TMEM168: variants seen among roughly 807,000 people sequenced by gnomAD.
TMEM168 encodes the protein transmembrane protein 168.
A neutral mutation model predicts 53.2 loss-of-function variants in TMEM168; 40 were observed. The observed-to-expected ratio is 0.75, with a 90% CI of 0.58 to 0.98. The LOEUF (loss-of-function observed/expected upper bound fraction) is 0.98, where lower values mean the gene tolerates loss of function less well. Among genes scored for constraint, TMEM168 ranks in the 50% least tolerant of loss-of-function variants. The pLI, the probability that TMEM168 is intolerant of heterozygous loss-of-function variation, is 0.00. For synonymous variants in TMEM168, 282 were observed against 293.0 expected (o/e 0.96, Z 0.38); for missense variants, 771 against 828.8 (o/e 0.93, Z 0.86).
At chr7:112,770,638 ACTTTT>A (rs1230496984) in intron 4 of TMEM168, among the ~76,000 whole-genome samples, 1 of 152,086 alleles carries the variant, frequency 6.6e-6, no homozygotes, top group Non-Finnish European at 1.5e-5. Flanking sequence ...TAGTGTTTTT[ACTTTT>A]CTTAGAAAAA....
chr7:112,789,448 G>A (rs1388476880), intron 1 of TMEM168, among the ~76,000 whole-genome samples: 3 of 152,180 alleles, frequency 2.0e-5, no homozygotes, highest in Admixed American at 2.0e-4. Context: ...AACAACAATA[G>A]TCACCATTGG....
At chr7:112,780,482 T>A (rs1020058298) in intron 2 of TMEM168, among the ~76,000 whole-genome samples, 1 of 152,136 alleles carries the variant, frequency 6.6e-6, no homozygotes, top group East Asian at 1.9e-4. Flanking sequence ...ATCCATACAA[T>A]GGGATATTGC....
At chr7:112,775,030 G>T in intron 3 of TMEM168, 146 bp downstream of exon 3, 2 of 558,032 alleles carry the variant, frequency 3.6e-6, no homozygotes, top group Non-Finnish European at 2.8e-6. Flanking sequence ...ATTATCACTT[G>T]GAATAAAGTT....
rs949570245 is a variant in TMEM168, at chr7:112,764,443, A to C, written c.*2754T>G. ...ATTTTTCAATCTTTAGGTGAAAGTAACCAATCACTTTATTCTTCTTGTAAT... is the reference window on the plus strand; with the variant it reads ...ATTTTTCAATCTTTAGGTGAAAGTACCCAATCACTTTATTCTTCTTGTAAT... On this transcript the variant is annotated 3_prime_UTR_variant, in exon 5 of 5. Transcript: ENST00000312814. The C allele has an allele frequency of 2.6e-5, 4 of 151,768 alleles. No homozygotes were observed. The highest frequency in any genetic ancestry group is 4.4e-5 in the Non-Finnish European group (3 of 67,976). 9.4% of individuals were successfully genotyped at this position (151,768 alleles called of 1,614,324 possible). A position where few individuals can be genotyped will look rare whatever the true frequency, so the allele number is the denominator to read the frequency against.
rs1792775195 is a variant in TMEM168 at position 112,766,254 on chromosome 7, A to G, written c.*943T>C. ...ACTTGTTTCCTATCCTCTGACCTTC[A>G]GTAGAAAAAAAATGTTATCACTAAC... On this transcript the variant is annotated 3_prime_UTR_variant, in exon 5 of 5. Coordinates refer to ENST00000312814, the MANE Select transcript of TMEM168 (RefSeq NM_022484.6). 1 of 152,416 alleles carries G rather than the reference A, an allele frequency of 6.6e-6. No individual in the cohort carries two copies. The highest frequency in any genetic ancestry group is 1.5e-5 in the Non-Finnish European group (1 of 68,016). 9.4% of individuals were successfully genotyped at this position (152,416 alleles called of 1,614,324 possible). A position where few individuals can be genotyped will look rare whatever the true frequency, so the allele number is the denominator to read the frequency against.
At chr7:112,768,447 G>C (rs987446593) in intron 4 of TMEM168, among the ~76,000 whole-genome samples, 1 of 151,988 alleles carries the variant, frequency 6.6e-6, no homozygotes, top group Non-Finnish European at 1.5e-5. Context: ...CCTATTGAAT[G>C]AAAATAAACC....
intron 3 of TMEM168, among the ~76,000 whole-genome samples, 186 bp downstream of exon 3, chr7:112,774,990 A>G (rs958207990): frequency 6.6e-6 from 1 of 152,224 alleles, no homozygotes; most frequent in Non-Finnish European, 1.5e-5. Flanking sequence ...TATCATATTT[A>G]TCAAAATATT....
At chr7:112,785,347 T>C (rs1793349332) in intron 1 of TMEM168, among the ~76,000 whole-genome samples, 1 of 152,212 alleles carries the variant, frequency 6.6e-6, no homozygotes, top group Admixed American at 6.5e-5. Flanking sequence ...AAGGACTTCA[T>C]CGTTACCTCT....
At chr7:112,775,641 T>A (rs1474605888) in intron 2 of TMEM168, among the ~76,000 whole-genome samples, 1 of 151,098 alleles carries the variant, frequency 6.6e-6, no homozygotes, top group Non-Finnish European at 1.5e-5. Context: ...CACTCTTTGA[T>A]ATAACAGAGA....
At chr7:112,772,320 T>G (rs535893406) in intron 4 of TMEM168, among the ~76,000 whole-genome samples, 1 of 152,130 alleles carries the variant, frequency 6.6e-6, no homozygotes, top group East Asian at 1.9e-4. Flanking sequence ...TGTGGCAAAT[T>G]AGGACCAGAA....
At position 112,764,341 on chromosome 7, in the gene TMEM168, A is replaced by AAAAT. The variant is rs1792720909; in HGVS notation, c.*2852_*2855dup. ...TAGTAGAATGGTAAAGTTTTGCCCT[A>AAAAT]AAATAATTCCTTTCACTCCAAGCAA... On this transcript the variant is annotated 3_prime_UTR_variant, in exon 5 of 5. Transcript: ENST00000312814. 6.6e-6 allele frequency: 1 copy of AAAAT among 152,036 alleles called. No homozygotes were observed. Among genetic ancestry groups the AAAAT allele is most frequent in the East Asian group, 1.9e-4 (1 of 5,196 alleles). The allele number at this position is 152,036 out of a possible 1,614,324, so 9.4% of individuals were successfully genotyped here.
chr7:112,789,704 C>T (rs181043273), intron 1 of TMEM168, among the ~76,000 whole-genome samples: 63 of 152,314 alleles, frequency 4.1e-4, no homozygotes, highest in African/African-American at 1.4e-3. Context: ...CTAGAAGTGT[C>T]AAGGCTGAAA....
At chr7:112,788,899 A>T (rs1793463796) in intron 1 of TMEM168, among the ~76,000 whole-genome samples, 1 of 152,154 alleles carries the variant, frequency 6.6e-6, no homozygotes, top group Admixed American at 6.5e-5. Context: ...CCTCTCTAAG[A>T]AGTGTACTTT....
chr7:112,784,571 A>G lies in TMEM168; in HGVS notation c.255T>C (p.Phe85=). Reference sequence around the variant, plus strand: ...GACTTAAACTTGCTGCTTCCATTGAAAAATAGTAATAGAGTATGCTGGCGA... The same window carrying G: ...GACTTAAACTTGCTGCTTCCATTGAGAAATAGTAATAGAGTATGCTGGCGA... ...LGIASILYYY[F]SMEAASLSLS... is the part of the protein sequence containing the mutation. Residue 85 remains phenylalanine (F), a synonymous_variant, in exon 2 of 5, where the codon TTT becomes TTC. Transcript: ENST00000312814. 1 of 1,614,072 alleles carries G rather than the reference A, an allele frequency of 6.2e-7. No homozygotes were observed. The highest frequency in any genetic ancestry group is 1.1e-5 in the South Asian group (1 of 91,042).
At chr7:112,781,313 T>C (rs978270539) in intron 2 of TMEM168, among the ~76,000 whole-genome samples, 1 of 152,148 alleles carries the variant, frequency 6.6e-6, no homozygotes, top group African/African-American at 2.4e-5. Flanking sequence ...AGAGGACTCA[T>C]TATTTTCAAG....
At chr7:112,781,715 AC>A (rs1020678183) in intron 2 of TMEM168, among the ~76,000 whole-genome samples, 14 of 152,092 alleles carry the variant, frequency 9.2e-5, no homozygotes, top group African/African-American at 3.1e-4. Context: ...AAAAAAAAAA[AC>A]AAACTTAGAT....
Position 112,764,491 on chromosome 7 carries a change from A to ATTTTTTTTT in TMEM168, c.*2705_*2706insAAAAAAAAA, listed in dbSNP as rs144299604. ...AATATTTCTTTTCTACACCCTTATT[A>ATTTTTTTTT]TTTTTTTTGTTTGTTTCTTTTTTTT... On this transcript the variant is annotated 3_prime_UTR_variant, in exon 5 of 5. Coordinates refer to ENST00000312814, the MANE Select transcript of TMEM168 (RefSeq NM_022484.6). 6.8e-6 allele frequency: 1 copy of ATTTTTTTTT among 148,028 alleles called. No individual in the cohort carries two copies. The highest frequency in any genetic ancestry group is 2.5e-5 in the African/African-American group (1 of 39,398). 9.2% of individuals were successfully genotyped at this position (148,028 alleles called of 1,614,324 possible).
chr7:112,776,864 TA>T (rs1408721910), intron 2 of TMEM168, among the ~76,000 whole-genome samples: 2 of 152,060 alleles, frequency 1.3e-5, no homozygotes, highest in Non-Finnish European at 2.9e-5. Context: ...ATGATACATA[TA>T]AAACTTTAAT....
chr7:112,777,998 C>T (rs148769038), intron 2 of TMEM168, among the ~76,000 whole-genome samples: 8 of 150,182 alleles, frequency 5.3e-5, no homozygotes, highest in Admixed American at 3.3e-4. Flanking sequence ...TTATTATTAA[C>T]TTTAGGCCTA....
Sources: gnomAD v4.1 joint callset for allele counts (sites outside exome capture counted in the v4.1 genomes callset) on GRCh38, gnomAD v4.1.1 for gene constraint, MANE v1.5 for transcripts, NCBI Gene and HGNC (gene_info 2026-07-23, HGNC 2026-07-21) for gene names.